BRME1: variants seen among roughly 807,000 people sequenced by gnomAD.
BRME1 encodes BRCA2 and MEILB2-associating protein 1.
A neutral mutation model predicts 52.6 loss-of-function variants in BRME1; 31 were observed. The observed-to-expected ratio is 0.59, with a 90% CI of 0.44 to 0.80. BRME1 has a LOEUF of 0.80. BRME1 is among the 30% of genes least tolerant of loss of function. BRME1 has a pLI of 0.00. For synonymous variants in BRME1, 359 were observed against 353.6 expected, an observed-to-expected ratio of 1.02 and a Z score of -0.17; for missense variants, 804 against 860.3, an observed-to-expected ratio of 0.93 and a Z score of 0.82.
chr19:13,883,176 G>GA lies in BRME1; in HGVS notation c.1856+131dup, dbSNP rs1055550628. ...GACGGGGGAGGGGGGCCACGGTGAGGACCCAGCAGCAGTGAGGTGCCTGAC... is the reference window on the plus strand; with the variant it reads ...GACGGGGGAGGGGGGCCACGGTGAGGAACCCAGCAGCAGTGAGGTGCCTGAC... On this transcript the variant is annotated intron_variant, in intron 8 of 8. Coordinates refer to ENST00000586783, the MANE Select transcript of BRME1 (RefSeq NM_001345843.2). This position sits in a 1 kb window ranked among gnomAD's most constrained non-coding sequence, Gnocchi z 4.2. 27 of 980,812 alleles carry GA rather than the reference G, an allele frequency of 2.8e-5. No homozygotes were observed. The African/African-American group carries it at 3.4e-4, about 12-fold the overall frequency. 60.8% of individuals were successfully genotyped at this position (980,812 alleles called of 1,614,324 possible). A position where few individuals can be genotyped will look rare whatever the true frequency, so the allele number is the denominator to read the frequency against.
intron 2 of BRME1, among the ~76,000 whole-genome samples, chr19:13,903,281 T>C (rs1467095396): frequency 2.0e-5 from 3 of 152,076 alleles, no homozygotes; most frequent in Non-Finnish European, 4.4e-5. Flanking sequence ...TCATTCTCTG[T>C]GGCTGGGGGG....
intron 2 of BRME1, 120 bp downstream of exon 2, chr19:13,904,742 T>A: frequency 9.1e-7 from 1 of 1,098,634 alleles, no homozygotes; most frequent in Non-Finnish European, 1.4e-6. Context: ...ACCCGGCCAA[T>A]CCTTGCTTCC....
In BRME1 at chr19:13,889,770, C is replaced by T; in HGVS notation, c.1086G>A (p.Gln362=). 1 of 1,611,618 alleles carries T rather than the reference C, an allele frequency of 6.2e-7. No homozygotes were observed. The highest frequency in any genetic ancestry group is 8.5e-7 in the Non-Finnish European group (1 of 1,179,680). Residue 362 remains glutamine, a synonymous_variant, in exon 6 of 9, where the codon CAG becomes CAA. Transcript: ENST00000586783. The part of the protein sequence containing the change: ...RALEVAGPDG[Q]ASAISPASPR... ...GAGAGGCAGGTGATATGGCACTGGCCTGCCCATCGGGCCCAGCCACCTCCA... is the reference window on the plus strand; with the variant it reads ...GAGAGGCAGGTGATATGGCACTGGCTTGCCCATCGGGCCCAGCCACCTCCA...
chr19:13,886,117 G>T, intron 6 of BRME1, 62 bp from the exon 7 acceptor site: 2 of 1,409,910 alleles, frequency 1.4e-6, no homozygotes, highest in Non-Finnish European at 1.0e-6. Flanking sequence ...CTGCACAGGG[G>T]AACCAGAAGT....
At chr19:13,887,207 C>T (rs985477386) in intron 6 of BRME1, among the ~76,000 whole-genome samples, 6 of 152,232 alleles carry the variant, frequency 3.9e-5, no homozygotes, top group African/African-American at 1.4e-4. Context: ...CTTTGCTGTT[C>T]CCCGTGCCCC....
In BRME1 at chr19:13,882,888, T is replaced by C. The variant is rs1968736955; in HGVS notation, c.1921A>G (p.Lys641Glu). The C allele has an allele frequency of 1.9e-6, 3 of 1,613,686 alleles. No individual in the cohort carries two copies. The Admixed American group carries it at 5.0e-5, about 27-fold the overall frequency. ...AFKRLNYRKTKLGGKAPLPYP... is the reference protein window; with the variant it reads ...AFKRLNYRKTELGGKAPLPYP... The stretch of plus-strand genomic sequence containing the variant: ...GGCAGGGGGGCTTTGCCTCCCAGCT[T>C]TGTCTTCCGGTAGTTAAGGCGCTTG... Residue 641 changes from lysine to glutamate, a missense_variant, in exon 9 of 9, where the codon AAG (lysine) becomes GAG (glutamate). Lys to Glu is a moderately conservative substitution (Grantham distance 56, BLOSUM62 1). This residue lies in a region of BRME1 where 552 missense variants were observed against 561.1 expected (regional missense o/e 0.98). Coordinates refer to ENST00000586783, the MANE Select transcript of BRME1 (RefSeq NM_001345843.2).
intron 2 of BRME1, among the ~76,000 whole-genome samples, chr19:13,901,179 G>A (rs1970270436): frequency 6.6e-6 from 1 of 150,438 alleles, no homozygotes; most frequent in Non-Finnish European, 1.5e-5. Context: ...GTAACATTAT[G>A]TTGCTCAGGC....
At position 13,889,547 on chromosome 19, in the gene BRME1, G is replaced by T; in HGVS notation, c.1309C>A (p.His437Asn). 6.2e-7 allele frequency: 1 copy of T among 1,613,760 alleles called. No homozygotes were observed. The highest frequency in any genetic ancestry group is 1.1e-5 in the South Asian group (1 of 91,076). Residue 437 changes from histidine to asparagine, a missense_variant, in exon 6 of 9, where the codon CAT becomes AAT. This residue lies in a region of BRME1 where 552 missense variants were observed against 561.1 expected (regional missense o/e 0.98). Coordinates refer to ENST00000586783, the MANE Select transcript of BRME1 (RefSeq NM_001345843.2). ...ESMMGAGDSG[H>N]ASPDTGPCVN... ...CATGGACCTGTGTCCGGGGATGCAT[G>T]ACCGGAATCTCCAGCACCCATCATG... is the stretch of plus-strand genomic sequence containing the variant.
At chr19:13,885,310 A>C (rs1370815359) in intron 7 of BRME1, 1 of 152,350 alleles carries the variant, frequency 6.6e-6, no homozygotes, top group East Asian at 1.9e-4. Context: ...GGCAGGTTCA[A>C]GTGCCAGGTA....
At position 13,888,074 on chromosome 19, in the gene BRME1, G is replaced by A. The variant is rs190763014; in HGVS notation, c.1668+1114C>T. On this transcript the variant is annotated intron_variant, in intron 6 of 8. Transcript: ENST00000586783. The surrounding 1 kb of genome is among the most constrained non-coding windows in gnomAD (Gnocchi z 4.1). ...GGAGTAGCTGGGATTAGAGGCACAC[G>A]CCACCATGCCCAGCTAATTTTTGTA... 1.3e-5 allele frequency among the ~76,000 whole-genome samples: 2 copies of A among 152,210 alleles called. No individual in the cohort carries two copies. Among genetic ancestry groups the A allele is most frequent in the East Asian group, 1.9e-4 (1 of 5,182 alleles).
intron 6 of BRME1, 37 bp from the exon 7 acceptor site, chr19:13,886,092 T>C (rs2145119390): frequency 6.3e-7 from 1 of 1,587,664 alleles, no homozygotes; most frequent in Non-Finnish European, 8.6e-7. Context: ...GGTCGAGGCC[T>C]GGGTCGGGCA....
intron 6 of BRME1, among the ~76,000 whole-genome samples, chr19:13,886,966 T>C (rs767285489): frequency 1.3e-5 from 2 of 152,088 alleles, no homozygotes; most frequent in African/African-American, 2.4e-5. Context: ...AGGCCCTGTC[T>C]CTAAAATTTA....
At chr19:13,897,767 G>C (rs537095856) in intron 2 of BRME1, among the ~76,000 whole-genome samples, 17 of 152,122 alleles carry the variant, frequency 1.1e-4, no homozygotes, top group South Asian at 2.1e-4. Flanking sequence ...GAGGCTGAAG[G>C]GGGAGGATGA....
intron 6 of BRME1, among the ~76,000 whole-genome samples, chr19:13,887,280 G>A (rs567984001): frequency 6.6e-6 from 1 of 152,356 alleles, no homozygotes; most frequent in South Asian, 2.1e-4. Context: ...ACCTTCCCAC[G>A]GGAATGTGTT....
chr19:13,905,507 C>CA (rs56670938), intron 1 of BRME1, among the ~76,000 whole-genome samples: 4,001 of 118,832 alleles, frequency 0.034, 167 homozygotes, highest in East Asian at 0.088. Context: ...GACTCCGTCT[C>CA]AAAAAAAAAA....
chr19:13,895,506 C>T lies in BRME1; in HGVS notation c.72G>A (p.Arg24=), dbSNP rs748142721. 1 of 1,613,886 alleles carries T rather than the reference C, an allele frequency of 6.2e-7. No homozygotes were observed. ...LCPPKPLKNP[R]LGDFYGDPQS... ...GGGGGTCCCCATAGAAGTCTCCTAG[C>T]CTTGGGTTCTTTAGGGGTTTTGGAG... The change falls in exon 3 of 9, where the codon AGG becomes AGA. Residue 24 remains arginine (R), a synonymous_variant. Coordinates refer to ENST00000586783, the MANE Select transcript of BRME1 (RefSeq NM_001345843.2).
At position 13,882,691 on chromosome 19, in the gene BRME1, G is replaced by T; in HGVS notation, c.*111C>A. ...TGTTGTCCATGGAAGACCAACTTCC[G>T]GGCAACTGAAGGGAGGTTTGTAGGG... On this transcript the variant is annotated 3_prime_UTR_variant, in exon 9 of 9. Transcript: ENST00000586783. The T allele has an allele frequency of 1.4e-6, 2 of 1,431,840 alleles. No homozygotes were observed. The highest frequency in any genetic ancestry group is 1.9e-6 in the Non-Finnish European group (2 of 1,044,720). The allele number at this position is 1,431,840 out of a possible 1,614,324, so 88.7% of individuals were successfully genotyped here.
At chr19:13,901,870 C>T (rs543832359) in intron 2 of BRME1, among the ~76,000 whole-genome samples, 2 of 151,584 alleles carry the variant, frequency 1.3e-5, no homozygotes, top group East Asian at 2.0e-4. Context: ...GAGGCCTCGT[C>T]TCTTCCAAAA....
Position 13,883,696 on chromosome 19 carries a change from A to C in BRME1, c.1764-296T>G. The C allele has an allele frequency of 2.8e-6, 1 of 360,438 alleles. No individual in the cohort carries two copies. Among genetic ancestry groups the C allele is most frequent in the Non-Finnish European group, 5.2e-6 (1 of 192,390 alleles). The allele number at this position is 360,438 out of a possible 1,614,324, so 22.3% of individuals were successfully genotyped here. On this transcript the variant is annotated intron_variant, in intron 7 of 8. Transcript: ENST00000586783. This position sits in a 1 kb window ranked among gnomAD's most constrained non-coding sequence, Gnocchi z 4.2. ...CAGGCACTGGGGGCTGTGAACTTGG[A>C]AACCTAGCTCAGAGGCAAGCCCTCT...
Sources: gnomAD v4.1 joint callset for allele counts (sites outside exome capture counted in the v4.1 genomes callset) on GRCh38, gnomAD v4.1.1 for gene constraint, gnomAD v4.1.1 regional missense constraint, Gnocchi (gnomAD v3.1) non-coding constraint, MANE v1.5 for transcripts, NCBI Gene and HGNC (gene_info 2026-07-23, HGNC 2026-07-21) for gene names.